Variants in ZNF76 observed in about 807,000 individuals in gnomAD.
The protein encoded by ZNF76 is zinc finger protein 523.
A neutral mutation model predicts 66.9 loss-of-function variants in ZNF76; 66 were observed. The observed-to-expected ratio is 0.99, with a 90% CI of 0.81 to 1.21. The LOEUF is 1.21. Among genes scored for constraint, ZNF76 ranks in the 50% most tolerant of loss-of-function variants. The probability of loss-of-function intolerance (pLI) is 0.00; values close to 1 mark genes in which losing one functional copy is unlikely to be tolerated. For synonymous variants in ZNF76, 275 were observed against 296.1 expected, an observed-to-expected ratio of 0.93 and a Z score of 0.73; for missense variants, 729 against 760.3, an observed-to-expected ratio of 0.96 and a Z score of 0.48.
intron 1 of ZNF76, among the ~76,000 whole-genome samples, chr6:35,264,183 A>G (rs910383630): frequency 6.6e-6 from 1 of 152,242 alleles, no homozygotes; most frequent in Non-Finnish European, 1.5e-5. Context: ...TCATGTCTAC[A>G]TTCATTTTGT....
chr6:35,275,200 T>C (rs574874172), intron 1 of ZNF76, among the ~76,000 whole-genome samples: 8 of 151,814 alleles, frequency 5.3e-5, no homozygotes, highest in Non-Finnish European at 8.8e-5. Flanking sequence ...CTGGATTTGC[T>C]CCTAGTTCTG....
intron 7 of ZNF76, 159 bp downstream of exon 7, chr6:35,290,875 C>A: frequency 1.4e-6 from 1 of 706,486 alleles, no homozygotes; most frequent in Non-Finnish European, 2.4e-6. Context: ...AACCTTGTTA[C>A]GGGAGTGCAA....
At chr6:35,268,782 GA>G (rs767765081) in intron 1 of ZNF76, among the ~76,000 whole-genome samples, 1,108 of 85,776 alleles carry the variant, frequency 0.013, 10 homozygotes, top group African/African-American at 0.037. Context: ...CAAAAAGAGA[GA>G]AAAAAAAAAA....
Position 35,288,356 on chromosome 6 carries a change from G to T in ZNF76, c.432+511G>T, listed in dbSNP as rs777130732. ...AACAGCTGGGATTCCTGGATTATGA[G>T]GCCCACACAGTAGCTCAGCTGGAAA... is the stretch of plus-strand genomic sequence containing the variant. On this transcript the variant is annotated intron_variant, in intron 5 of 13. Coordinates refer to ENST00000373953, the MANE Select transcript of ZNF76 (RefSeq NM_003427.5). 102 of 355,496 alleles carry T rather than the reference G, an allele frequency of 2.9e-4. 2 individuals are homozygous for T. Among genetic ancestry groups the T allele is most frequent in the South Asian group, 1.2e-3 (59 of 47,562 alleles). 22.0% of individuals were successfully genotyped at this position (355,496 alleles called of 1,614,324 possible).
chr6:35,292,473 A>G lies in ZNF76; in HGVS notation c.932-81A>G, dbSNP rs1475931609. 1.4e-6 allele frequency: 2 copies of G among 1,478,784 alleles called. No individual in the cohort carries two copies. Among genetic ancestry groups the G allele is most frequent in the Non-Finnish European group, 1.9e-6 (2 of 1,071,216 alleles). The allele number at this position is 1,478,784 out of a possible 1,614,324, so 91.6% of individuals were successfully genotyped here. ...CCTCCCTCTGGCTCTCCCTTCACCA[A>G]CCCTGTCCCTCACCCCTGTCCCCTT... On this transcript the variant is annotated intron_variant, in intron 9 of 13. Coordinates refer to ENST00000373953, the MANE Select transcript of ZNF76 (RefSeq NM_003427.5). This position sits in a 1 kb window ranked among gnomAD's most constrained non-coding sequence, Gnocchi z 4.7.
rs1557568 is a variant in ZNF76 at position 35,292,753 on chromosome 6, C to T, written c.1131C>T (p.Ser377=). The T allele has an allele frequency of 0.78, 1,260,330 of 1,613,784 alleles. 502,680 individuals carry two copies. The highest frequency in any genetic ancestry group is 0.82 in the South Asian group (74,414 of 91,062). ...AHGELEATEE[S]EQALYEQQQL... ...GCGAGCTGGAGGCCACGGAGGAGAG[C>T]GAGCAGGCCCTCTATGAGCAGCAGC... Residue 377 remains serine, a synonymous_variant, in exon 10 of 14, where the codon AGC becomes AGT. Coordinates refer to ENST00000373953, the MANE Select transcript of ZNF76 (RefSeq NM_003427.5). This position sits in a 1 kb window ranked among gnomAD's most constrained non-coding sequence, Gnocchi z 4.7.
intron 1 of ZNF76, among the ~76,000 whole-genome samples, chr6:35,260,175 G>T (rs13199111): frequency 1.3e-5 from 2 of 151,960 alleles, no homozygotes; most frequent in Non-Finnish European, 1.5e-5. Context: ...AATTTCCCCA[G>T]CACTTCTCAG....
intron 1 of ZNF76, among the ~76,000 whole-genome samples, chr6:35,277,042 G>T (rs909603639): frequency 1.3e-5 from 2 of 150,744 alleles, no homozygotes; most frequent in African/African-American, 2.4e-5. Flanking sequence ...CAAGTGATCC[G>T]CCCACTTCGG....
chr6:35,281,034 G>A, intron 1 of ZNF76, 22 bp from the exon 2 acceptor site: 3 of 1,002,376 alleles, frequency 3.0e-6, no homozygotes, highest in Non-Finnish European at 1.6e-6. Flanking sequence ...AACTCATAAT[G>A]TGATACTGTT....
chr6:35,276,793 T>TG (rs1415817078), intron 1 of ZNF76, among the ~76,000 whole-genome samples: 1 of 8,026 alleles, frequency 1.2e-4, no homozygotes, highest in African/African-American at 2.3e-4. Context: ...ATTTATGGGT[T>TG]TTTTTTTTTT....
At position 35,293,050 on chromosome 6, in the gene ZNF76, G is replaced by A; in HGVS notation, c.1329+6G>A. The A allele has an allele frequency of 6.2e-7, 1 of 1,613,404 alleles. No homozygotes were observed. Among genetic ancestry groups the A allele is most frequent in the Non-Finnish European group, 8.5e-7 (1 of 1,179,712 alleles). On this transcript the variant is annotated splice_donor_region_variant and intron_variant, in intron 11 of 13. Coordinates refer to ENST00000373953, the MANE Select transcript of ZNF76 (RefSeq NM_003427.5). Reference sequence around the variant, plus strand: ...CTCAGGATGGTGCCCAGCAGGTACAGGCCCTGGAGGGCAGAGGTGCCATAC... The same window carrying A: ...CTCAGGATGGTGCCCAGCAGGTACAAGCCCTGGAGGGCAGAGGTGCCATAC...
chr6:35,268,728 G>A (rs1027234543), intron 1 of ZNF76, among the ~76,000 whole-genome samples: 3 of 148,612 alleles, frequency 2.0e-5, no homozygotes, highest in Admixed American at 6.8e-5. Flanking sequence ...AGCCAAGATC[G>A]CACCATTGCT....
chr6:35,292,631 G>C lies in ZNF76; in HGVS notation c.1009G>C (p.Val337Leu), dbSNP rs137993036. The C allele has an allele frequency of 6.2e-7, 1 of 1,613,946 alleles. No homozygotes were observed. Among genetic ancestry groups the C allele is most frequent in the Non-Finnish European group, 8.5e-7 (1 of 1,180,030 alleles). Residue 337 changes from valine to leucine, a missense_variant, in exon 10 of 14, where the codon GTG becomes CTG. By Grantham distance (32) the Val-to-Leu change is conservative. Transcript: ENST00000373953. The surrounding 1 kb of genome is among the most constrained non-coding windows in gnomAD (Gnocchi z 4.7). The part of the protein sequence containing the change: ...TEYSSLYKHH[V>L]VHTHCKPYTC... The stretch of plus-strand genomic sequence containing the variant: ...GTACTCGAGCTTGTATAAGCACCAC[G>C]TGGTGCACACACACTGCAAGCCCTA...
At chr6:35,267,166 A>G (rs1786274020) in intron 1 of ZNF76, among the ~76,000 whole-genome samples, 1 of 151,688 alleles carries the variant, frequency 6.6e-6, no homozygotes, top group African/African-American at 2.4e-5. Context: ...GCAATCATGG[A>G]GGCTCACTGC....
rs1790817847 is a variant in ZNF76 at position 35,293,971 on chromosome 6, C to T, written c.1494+56C>T. ...TATTTTGTCATTCCTTTCCATGGGGCGGGCATTAAAGTGCAGCCTAAACTA... is the reference window on the plus strand; with the variant it reads ...TATTTTGTCATTCCTTTCCATGGGGTGGGCATTAAAGTGCAGCCTAAACTA... On this transcript the variant is annotated intron_variant, in intron 12 of 13. Coordinates refer to ENST00000373953, the MANE Select transcript of ZNF76 (RefSeq NM_003427.5). 38 of 1,592,662 alleles carry T rather than the reference C, an allele frequency of 2.4e-5. No homozygotes were observed. The South Asian group carries it at 3.1e-4, about 13-fold the overall frequency.
At chr6:35,290,442 A>G (rs1335624440) in intron 6 of ZNF76, 60 bp downstream of exon 6, 11 of 1,598,278 alleles carry the variant, frequency 6.9e-6, no homozygotes, top group East Asian at 2.2e-5. Context: ...CTGTAATTCT[A>G]CCTTTCTGCT....
rs146773223 is a variant in ZNF76 at position 35,295,455 on chromosome 6, A to G, written c.*207A>G. 1.3e-5 allele frequency: 8 copies of G among 603,260 alleles called. No homozygotes were observed. In the African/African-American group the frequency reaches 1.5e-4, roughly 11 times the overall value. The allele number at this position is 603,260 out of a possible 1,614,324, so 37.4% of individuals were successfully genotyped here. A position where few individuals can be genotyped will look rare whatever the true frequency, so the allele number is the denominator to read the frequency against. On this transcript the variant is annotated 3_prime_UTR_variant, in exon 14 of 14. Coordinates refer to ENST00000373953, the MANE Select transcript of ZNF76 (RefSeq NM_003427.5). ...CAGGCAGCTGGAATCAGGGGAGTGC[A>G]TCATCCTCGGGAGCTGACAACAGCC...
At chr6:35,282,121 G>GT (rs1239263364) in intron 2 of ZNF76, among the ~76,000 whole-genome samples, 2 of 151,948 alleles carry the variant, frequency 1.3e-5, no homozygotes, top group Non-Finnish European at 2.9e-5. Flanking sequence ...TTGTAGGGAC[G>GT]TATGTATACC....
intron 5 of ZNF76, among the ~76,000 whole-genome samples, chr6:35,289,908 TAGA>T (rs1421073104): frequency 6.6e-6 from 1 of 152,134 alleles, no homozygotes; most frequent in South Asian, 2.1e-4. Flanking sequence ...TGTGTGTGCT[TAGA>T]AGGAGGGTTT....
Sources: allele counts gnomAD v4.1 joint callset (sites outside exome capture counted in the v4.1 genomes callset), GRCh38; gene constraint gnomAD v4.1.1; non-coding constraint Gnocchi (gnomAD v3.1); transcripts MANE v1.5; gene names NCBI Gene and HGNC (gene_info 2026-07-23, HGNC 2026-07-21).